CC2D2B: variants seen among roughly 807,000 people sequenced by gnomAD.
CC2D2B encodes protein CC2D2B.
Under a neutral mutation model 161.2 loss-of-function variants are expected in CC2D2B, and 128 were observed. The observed-to-expected ratio is 0.79, with a 90% CI of 0.69 to 0.92. The LOEUF (loss-of-function observed/expected upper bound fraction) is 0.92. Ranked by LOEUF, CC2D2B falls within the 40% of genes least tolerant of loss-of-function variation. The pLI is 0.00. For synonymous variants in CC2D2B, 391 were observed against 449.8 expected (o/e 0.87, Z 1.65); for missense variants, 1,173 against 1,375.1 (o/e 0.85, Z 2.32).
At position 96,025,168 on chromosome 10, in the gene CC2D2B, T is replaced by TAAAAAAAAAA. The variant is rs1564683736; in HGVS notation, c.3947+258_3947+259insAAAAAAAAAA. 2.4e-4 allele frequency among the ~76,000 whole-genome samples: 3 copies of TAAAAAAAAAA among 12,512 alleles called. 1 individual carries two copies. The highest frequency in any genetic ancestry group is 7.8e-3 in the East Asian group (2 of 258). 8.2% of individuals were successfully genotyped at this position (12,512 alleles called of 152,430 possible). A position where few individuals can be genotyped will look rare whatever the true frequency, so the allele number is the denominator to read the frequency against. ...TACTAAAAAAAAATATATATATATA[T>TAAAAAAAAAA]ATATATATATATATATAAAAAAAAA... is the stretch of plus-strand genomic sequence containing the variant. On this transcript the variant is annotated intron_variant, in intron 33 of 34. Transcript: ENST00000646931.
Position 95,988,310 on chromosome 10 carries a change from C to A in CC2D2B, c.2347C>A (p.Gln783Lys). ...TTCAGATGTAAATTCTATTACAGCA[C>A]AAAGGATTAATTCTGCCAATTTTCT... is the stretch of plus-strand genomic sequence containing the variant. ...SVSDVNSITA[Q>K]RINSANFLKK... is the part of the protein sequence containing the mutation. Residue 783 changes from glutamine (Q) to lysine (K), a missense_variant, in exon 20 of 35, where the codon CAA becomes AAA. By Grantham distance (53) the Gln-to-Lys change is moderately conservative. Around this residue, in one of 3 missense-constraint regions of CC2D2B, gnomAD observed 277 missense variants for 420.6 expected, o/e 0.66. Transcript: ENST00000646931. 1 of 1,227,556 alleles carries A rather than the reference C, an allele frequency of 8.1e-7. No individual in the cohort carries two copies. The highest frequency in any genetic ancestry group is 1.0e-6 in the Non-Finnish European group (1 of 982,194). 76.0% of individuals were successfully genotyped at this position (1,227,556 alleles called of 1,614,324 possible). A position where few individuals can be genotyped will look rare whatever the true frequency, so the allele number is the denominator to read the frequency against.
intron 5 of CC2D2B, among the ~76,000 whole-genome samples, chr10:95,925,272 T>G (rs1472425951): frequency 6.6e-6 from 1 of 152,160 alleles, no homozygotes; most frequent in African/African-American, 2.4e-5. Context: ...ATTGATTGAC[T>G]AGAATGGAGC....
rs187711494 is a variant in CC2D2B at position 95,923,152 on chromosome 10, A to G, written c.97+1076A>G. Among the ~76,000 whole-genome samples, 253 of 152,216 alleles carry G rather than the reference A, an allele frequency of 1.7e-3. 3 individuals are homozygous for G. Among genetic ancestry groups the G allele is most frequent in the Admixed American group, 0.015 (229 of 15,296 alleles). On this transcript the variant is annotated intron_variant, in intron 3 of 34. Transcript: ENST00000646931. ...TTTTTAGTAGAGATGGGGTTTCTCC[A>G]TGTTGGTCAGGCTGGTCTCGAACTC...
intron 17 of CC2D2B, among the ~76,000 whole-genome samples, chr10:95,981,633 G>T (rs1260802123): frequency 6.6e-6 from 1 of 151,994 alleles, no homozygotes; most frequent in African/African-American, 2.4e-5. Flanking sequence ...TATGCTTAGG[G>T]TTTACATAAT....
chr10:95,912,097 C>T (rs2098507422), intron 2 of CC2D2B, among the ~76,000 whole-genome samples: 1 of 152,132 alleles, frequency 6.6e-6, no homozygotes, highest in African/African-American at 2.4e-5. Context: ...CAATAGCCTG[C>T]TTTGGTTTTT....
At chr10:96,000,137 C>T in intron 24 of CC2D2B, 1 of 1,472,928 alleles carries the variant, frequency 6.8e-7, no homozygotes, top group Non-Finnish European at 9.0e-7. Flanking sequence ...ACAATATCAC[C>T]TTTCTTATAG....
intron 2 of CC2D2B, among the ~76,000 whole-genome samples, chr10:95,918,677 T>A (rs1270006087): frequency 1.3e-5 from 2 of 152,222 alleles, no homozygotes; most frequent in Non-Finnish European, 2.9e-5. Flanking sequence ...GAAAGTGTTA[T>A]TATCTTTTGA....
Position 95,995,415 on chromosome 10 carries a change from G to T in CC2D2B, c.2739+50G>T. ...GTATAATATTGATTATGTTTGTTCT[G>T]AATTACAATTGACTCTTAATTCATC... On this transcript the variant is annotated intron_variant, in intron 23 of 34. Transcript: ENST00000646931. The T allele has an allele frequency of 4.3e-6, 4 of 926,502 alleles. No individual in the cohort carries two copies. In the South Asian group the frequency reaches 5.5e-5, roughly 13 times the overall value. 57.4% of individuals were successfully genotyped at this position (926,502 alleles called of 1,614,324 possible).
chr10:96,015,776 G>T (rs1376149783), intron 29 of CC2D2B, among the ~76,000 whole-genome samples: 1 of 152,020 alleles, frequency 6.6e-6, no homozygotes, highest in Non-Finnish European at 1.5e-5. Context: ...GTACTATATT[G>T]GTACAGGACA....
chr10:96,001,246 CATCTA>C (rs897112512), intron 24 of CC2D2B, among the ~76,000 whole-genome samples: 18 of 152,218 alleles, frequency 1.2e-4, no homozygotes, highest in African/African-American at 4.3e-4. Context: ...AGCTATTAAA[CATCTA>C]AACATTTTTT....
chr10:95,931,581 G>A (rs2098550115), intron 6 of CC2D2B, among the ~76,000 whole-genome samples: 1 of 152,116 alleles, frequency 6.6e-6, no homozygotes, highest in Non-Finnish European at 1.5e-5. Context: ...GGTACATTGT[G>A]TCTTTGTTTT....
rs564318313 is a variant in CC2D2B, at chr10:95,961,834, C to T, written c.1115C>T (p.Thr372Ile). 7 of 1,231,364 alleles carry T rather than the reference C, an allele frequency of 5.7e-6. No homozygotes were observed. In the South Asian group the frequency reaches 2.1e-4, roughly 36 times the overall value. The allele number at this position is 1,231,364 out of a possible 1,614,324, so 76.3% of individuals were successfully genotyped here. ...LQDYYWQISN[T>I]KQMYDLERGK... ...CTCTGCCATTTTTGTTGTAGTAATA[C>T]AAAACAGATGTATGACTTAGAAAGG... The change falls in exon 12 of 35, where the codon ACA becomes ATA. Residue 372 changes from threonine to isoleucine, a missense_variant. Around this residue, in one of 3 missense-constraint regions of CC2D2B, gnomAD observed 298 missense variants for 261.2 expected, o/e 1.14. Coordinates refer to ENST00000646931, the MANE Select transcript of CC2D2B (RefSeq NM_001349008.3).
intron 26 of CC2D2B, among the ~76,000 whole-genome samples, chr10:96,010,567 T>C (rs1475857528): frequency 3.9e-5 from 6 of 152,296 alleles, no homozygotes; most frequent in African/African-American, 1.4e-4. Context: ...GCTGTAGTGC[T>C]TTAATAGAGG....
chr10:95,922,162 C>A, intron 3 of CC2D2B, 86 bp downstream of exon 3: 1 of 663,002 alleles, frequency 1.5e-6, no homozygotes, highest in Non-Finnish European at 2.4e-6. Flanking sequence ...AGGGTTTCAG[C>A]TGGGAACACA....
At chr10:95,924,265 A>T in intron 3 of CC2D2B, 49 bp from the exon 4 acceptor site, 1 of 961,314 alleles carries the variant, frequency 1.0e-6, no homozygotes, top group Non-Finnish European at 1.5e-6. Context: ...ATTGTTGTTT[A>T]ATTATAATAA....
chr10:96,024,218 A>C (rs1196478159), intron 32 of CC2D2B, among the ~76,000 whole-genome samples: 1 of 151,772 alleles, frequency 6.6e-6, no homozygotes, highest in Non-Finnish European at 1.5e-5. Context: ...GAGACAGGGG[A>C]GGTTGAAATG....
In CC2D2B at chr10:96,012,585, T is replaced by A; in HGVS notation, c.3282T>A (p.Cys1094Ter). Residue 1094 changes from cysteine to a stop codon, truncating the protein, a stop_gained, in exon 28 of 35, where the codon TGT becomes TGA. Coordinates refer to ENST00000646931, the MANE Select transcript of CC2D2B (RefSeq NM_001349008.3). LOFTEE classifies it high-confidence loss of function. ...LQRAQIFKKN[C>*]KAMFPNRRIV... ...GAGCACAGATTTTTAAAAAGAATTG[T>A]AAGGCAATGTTTCCCAACCGAAGAA... is the stretch of plus-strand genomic sequence containing the variant. The A allele has an allele frequency of 6.2e-7, 1 of 1,613,360 alleles. No homozygotes were observed. Among genetic ancestry groups the A allele is most frequent in the South Asian group, 1.1e-5 (1 of 91,072 alleles).
chr10:95,938,125 T>G lies in CC2D2B; in HGVS notation c.471T>G (p.Tyr157Ter). ...TACTCAAAGTAAAAGCTGCTGACTA[T>G]GAAGATGATCAAGAACAAATAAAAA... ...TDILKVKAAD[Y>*]EDDQEQIKKQ... is the part of the protein sequence containing the mutation. The change falls in exon 7 of 35, where the codon TAT becomes TAG. Residue 157 changes from tyrosine to a stop codon, truncating the protein, a stop_gained. Coordinates refer to ENST00000646931, the MANE Select transcript of CC2D2B (RefSeq NM_001349008.3). LOFTEE classifies it high-confidence loss of function. 1 of 1,550,324 alleles carries G rather than the reference T, an allele frequency of 6.5e-7. No homozygotes were observed. Among genetic ancestry groups the G allele is most frequent in the South Asian group, 1.2e-5 (1 of 84,014 alleles).
At chr10:95,981,427 T>C (rs1253309639) in intron 17 of CC2D2B, among the ~76,000 whole-genome samples, 1 of 150,452 alleles carries the variant, frequency 6.6e-6, no homozygotes, top group African/African-American at 2.4e-5. Flanking sequence ...AAAAAGATTA[T>C]CTCATATGAC....
Sources: gnomAD v4.1 joint callset for allele counts (sites outside exome capture counted in the v4.1 genomes callset) on GRCh38, gnomAD v4.1.1 for gene constraint, gnomAD v4.1.1 regional missense constraint, MANE v1.5 for transcripts, NCBI Gene and HGNC (gene_info 2026-07-23, HGNC 2026-07-21) for gene names.